Variants in RIMBP2 observed in about 807,000 individuals in gnomAD.
RIMBP2 encodes the protein RIMS binding protein 2.
Under a neutral mutation model 118.6 loss-of-function variants are expected in RIMBP2, and 48 were observed. That is an observed-to-expected ratio of 0.40 (90% CI 0.32 to 0.51). The LOEUF (loss-of-function observed/expected upper bound fraction) is 0.51. Among genes scored for constraint, RIMBP2 ranks in the 20% least tolerant of loss-of-function variants. The probability of loss-of-function intolerance (pLI) is 0.41; values close to 1 mark genes in which losing one functional copy is unlikely to be tolerated. For missense variants in RIMBP2, 1,551 were observed against 1,768.3 expected, an observed-to-expected ratio of 0.88 and a Z score of 2.20; for synonymous variants, 762 against 742.9, an observed-to-expected ratio of 1.03 and a Z score of -0.42.
intron 4 of RIMBP2, among the ~76,000 whole-genome samples, chr12:130,486,468 C>A (rs1293412339): frequency 6.6e-6 from 1 of 151,310 alleles, no homozygotes; most frequent in African/African-American, 2.4e-5. Context: ...CCGTCCCCCG[C>A]CCCCCCGCCA....
At chr12:130,561,981 G>C (rs569209398) in intron 2 of RIMBP2, among the ~76,000 whole-genome samples, 1 of 152,112 alleles carries the variant, frequency 6.6e-6, no homozygotes, top group East Asian at 1.9e-4. Context: ...ATATAGAAAA[G>C]TGCAGAAAAA....
At chr12:130,482,458 G>C (rs2082095824) in intron 4 of RIMBP2, among the ~76,000 whole-genome samples, 1 of 152,312 alleles carries the variant, frequency 6.6e-6, no homozygotes, top group Admixed American at 6.5e-5. Flanking sequence ...GAGCAGGATG[G>C]AGGCACCTAA....
rs2078986352 is a variant in RIMBP2, at chr12:130,451,255, C to A, written c.444G>T (p.Leu148=). ...TCGACAGGAAGGTGGGCTTGGCGGACAGAGGCTCCGGCCTGTCACCAGGCT... is the reference window on the plus strand; with the variant it reads ...TCGACAGGAAGGTGGGCTTGGCGGAAAGAGGCTCCGGCCTGTCACCAGGCT... The part of the protein sequence containing the change: ...LPQPGDRPEP[L]SAKPTFLSRS... Residue 148 remains leucine (L), a synonymous_variant, in exon 8 of 23, where the codon CTG becomes CTT. Coordinates refer to ENST00000690449, the MANE Select transcript of RIMBP2 (RefSeq NM_001393629.1). 6.2e-7 allele frequency: 1 copy of A among 1,614,066 alleles called. No homozygotes were observed. Among genetic ancestry groups the A allele is most frequent in the African/African-American group, 1.3e-5 (1 of 74,938 alleles).
At chr12:130,573,221 ATG>A (rs1593856068) in intron 2 of RIMBP2, among the ~76,000 whole-genome samples, 4 of 151,704 alleles carry the variant, frequency 2.6e-5, no homozygotes, top group Admixed American at 6.6e-5. Flanking sequence ...TGCATACTTC[ATG>A]TATATTATAT....
chr12:130,476,173 G>A (rs770799837), intron 5 of RIMBP2, among the ~76,000 whole-genome samples: 9 of 152,130 alleles, frequency 5.9e-5, no homozygotes, highest in East Asian at 3.9e-4. Context: ...CTGGGCCTCC[G>A]GGTCAAAGAA....
rs1165183407 is a variant in RIMBP2, at chr12:130,475,770, C to G, written c.102+3142G>C. 1.3e-5 allele frequency among the ~76,000 whole-genome samples: 2 copies of G among 151,990 alleles called. No homozygotes were observed. The highest frequency in any genetic ancestry group is 1.9e-4 in the East Asian group (1 of 5,170). On this transcript the variant is annotated intron_variant, in intron 5 of 22. Transcript: ENST00000690449. This position sits in a 1 kb window ranked among gnomAD's most constrained non-coding sequence, Gnocchi z 4.1. ...AAGCAAACAAAAAAGGCAATTAACT[C>G]CAGGGAAAGGAAGAGCTGTACAAAA...
rs1424380068 is a variant in RIMBP2, at chr12:130,703,668, G to T, written c.-352+12554C>A. 6.6e-6 allele frequency among the ~76,000 whole-genome samples: 1 copy of T among 152,198 alleles called. No individual in the cohort carries two copies. The highest frequency in any genetic ancestry group is 2.4e-5 in the African/African-American group (1 of 41,454). On this transcript the variant is annotated intron_variant, in intron 1 of 22. Transcript: ENST00000690449. The surrounding 1 kb of genome is among the most constrained non-coding windows in gnomAD (Gnocchi z 5.7). ...TGATTAGCGCTCTACATCACCCACC[G>T]CTCAGCCTCCCCTGGGGTCGGGTGG...
chr12:130,432,228 C>T, intron 14 of RIMBP2: 1 of 456,596 alleles, frequency 2.2e-6, no homozygotes, highest in Non-Finnish European at 4.4e-6. Context: ...AACAGGTCTT[C>T]TTCAGGCCTC....
At position 130,523,829 on chromosome 12, in the gene RIMBP2, C is replaced by T. The variant is rs76455195; in HGVS notation, c.-216-5912G>A. 0.016 allele frequency among the ~76,000 whole-genome samples: 2,504 copies of T among 152,200 alleles called. 67 individuals are homozygous for T. The highest frequency in any genetic ancestry group is 0.048 in the South Asian group (232 of 4,810). ...GTTGAGATGTCAGGAACGCCAGTTG[C>T]TATGGGGAGAGGTGAGAGGAATTCT... On this transcript the variant is annotated intron_variant, in intron 2 of 22. Transcript: ENST00000690449. This position sits in a 1 kb window ranked among gnomAD's most constrained non-coding sequence, Gnocchi z 4.4.
At chr12:130,464,636 C>T (rs938173809) in intron 6 of RIMBP2, among the ~76,000 whole-genome samples, 11 of 152,212 alleles carry the variant, frequency 7.2e-5, no homozygotes, top group Non-Finnish European at 1.3e-4. Flanking sequence ...AGAGACCTCC[C>T]CGGTAAGTTG....
chr12:130,647,394 A>T (rs138342103), intron 1 of RIMBP2, among the ~76,000 whole-genome samples: 2 of 113,438 alleles, frequency 1.8e-5, no homozygotes, highest in African/African-American at 5.5e-5. Context: ...AGGTAATAGC[A>T]GCTTAAAACA....
chr12:130,498,488 C>T (rs556720251), intron 4 of RIMBP2, among the ~76,000 whole-genome samples: 25 of 152,230 alleles, frequency 1.6e-4, no homozygotes, highest in Non-Finnish European at 7.4e-5. Context: ...AAGATGAGTG[C>T]GCTGAAGAAA....
chr12:130,678,320 A>G (rs1356562617), intron 1 of RIMBP2, among the ~76,000 whole-genome samples: 1 of 152,214 alleles, frequency 6.6e-6, no homozygotes, highest in Non-Finnish European at 1.5e-5. Context: ...CATCGTCCCC[A>G]GGAGCCCGAG....
intron 4 of RIMBP2, among the ~76,000 whole-genome samples, chr12:130,489,786 C>T (rs779241819): frequency 3.9e-5 from 6 of 152,072 alleles, no homozygotes; most frequent in Non-Finnish European, 8.8e-5. Flanking sequence ...GAAGTCTGAC[C>T]GGTAGACTGA....
At chr12:130,515,190 T>G (rs1449523311) in intron 3 of RIMBP2, among the ~76,000 whole-genome samples, 3 of 152,154 alleles carry the variant, frequency 2.0e-5, no homozygotes, top group African/African-American at 7.2e-5. Flanking sequence ...ACACACCTTT[T>G]TAAGAAAAAT....
At chr12:130,441,811 T>G in intron 11 of RIMBP2, 37 bp downstream of exon 11, 1 of 1,569,664 alleles carries the variant, frequency 6.4e-7, no homozygotes, top group African/African-American at 1.4e-5. Flanking sequence ...CCTGGCGTTC[T>G]CTCCCTGGGG....
chr12:130,700,655 C>G (rs527976350), intron 1 of RIMBP2, among the ~76,000 whole-genome samples: 16 of 152,334 alleles, frequency 1.1e-4, no homozygotes, highest in African/African-American at 3.8e-4. Context: ...AAGATCCCAC[C>G]CTGGAGCACA....
At chr12:130,598,958 C>T (rs538374795) in intron 2 of RIMBP2, among the ~76,000 whole-genome samples, 9 of 152,250 alleles carry the variant, frequency 5.9e-5, no homozygotes, top group Middle Eastern at 3.4e-3. Context: ...CCTCCCACTT[C>T]GGGCTCCCAA....
At chr12:130,470,186 A>G (rs1383859359) in intron 6 of RIMBP2, 1 of 152,560 alleles carries the variant, frequency 6.6e-6, no homozygotes, top group Non-Finnish European at 1.5e-5. Flanking sequence ...AGTGCCTCAG[A>G]TGGCGCTGAG....
Sources: gnomAD v4.1 joint callset for allele counts (sites outside exome capture counted in the v4.1 genomes callset) on GRCh38, gnomAD v4.1.1 for gene constraint, Gnocchi (gnomAD v3.1) non-coding constraint, MANE v1.5 for transcripts, NCBI Gene and HGNC (gene_info 2026-07-23, HGNC 2026-07-21) for gene names.